STAB2: variants seen among roughly 807,000 people sequenced by gnomAD.
STAB2 encodes the protein stabilin 2, also known as stabilin-2.
STAB2 carries 288 observed loss-of-function variants against 338.1 expected under a neutral mutation model. The ratio of observed to expected loss-of-function variants is 0.85; its 90% confidence interval spans 0.77 to 0.94. The LOEUF (loss-of-function observed/expected upper bound fraction) is 0.94, where lower values mean the gene tolerates loss of function less well. Ranked by LOEUF, STAB2 falls within the 40% of genes least tolerant of loss-of-function variation. STAB2 has a pLI of 0.00. For synonymous variants in STAB2, 1,202 were observed against 1,193.3 expected (o/e 1.01, Z -0.15); for missense variants, 3,141 against 3,210.1 (o/e 0.98, Z 0.52).
At chr12:103,707,054 A>C in intron 38 of STAB2, 67 bp downstream of exon 38, 1 of 1,562,136 alleles carries the variant, frequency 6.4e-7, no homozygotes, top group Non-Finnish European at 8.7e-7. Context: ...GCAGGGAAAG[A>C]GTGATCCCAC....
chr12:103,716,438 C>T (rs763701200), intron 43 of STAB2, among the ~76,000 whole-genome samples: 4 of 152,146 alleles, frequency 2.6e-5, no homozygotes, highest in Non-Finnish European at 4.4e-5. Flanking sequence ...GACCCAAGTT[C>T]GGCCTTCCTC....
At chr12:103,731,973 A>C (rs552843894) in intron 50 of STAB2, among the ~76,000 whole-genome samples, 1 of 152,292 alleles carries the variant, frequency 6.6e-6, no homozygotes, top group South Asian at 2.1e-4. Context: ...TTTGCATGGG[A>C]GAGTTGGGAA....
intron 25 of STAB2, among the ~76,000 whole-genome samples, chr12:103,682,210 A>T (rs1483751273): frequency 6.6e-6 from 1 of 152,170 alleles, no homozygotes; most frequent in Non-Finnish European, 1.5e-5. Context: ...TATAAGAAAC[A>T]GAATGGATCA....
At chr12:103,659,122 A>G (rs886543196) in intron 15 of STAB2, among the ~76,000 whole-genome samples, 6 of 152,170 alleles carry the variant, frequency 3.9e-5, no homozygotes, top group African/African-American at 1.4e-4. Flanking sequence ...CTGGTGGTCA[A>G]TTTCAACATT....
At chr12:103,653,949 C>A (rs1382113936) in intron 12 of STAB2, among the ~76,000 whole-genome samples, 1 of 90,144 alleles carries the variant, frequency 1.1e-5, no homozygotes, top group Non-Finnish European at 2.3e-5. Flanking sequence ...ATGGAGGATG[C>A]ATGGATAGGT....
At chr12:103,669,704 A>C in intron 21 of STAB2, 77 bp downstream of exon 21, 1 of 1,308,280 alleles carries the variant, frequency 7.6e-7, no homozygotes, top group Non-Finnish European at 1.1e-6. Flanking sequence ...AATGTGATAT[A>C]ATGCCAGCTA....
At position 103,730,101 on chromosome 12, in the gene STAB2, T is replaced by G; in HGVS notation, c.5083-15T>G. Reference sequence around the variant, plus strand: ...ACTTTGCACTCATTTCTTTTTTGTTTTTGGTTGATTTCAGAGCACGGTGTA... The same window carrying G: ...ACTTTGCACTCATTTCTTTTTTGTTGTTGGTTGATTTCAGAGCACGGTGTA... On this transcript the variant is annotated splice_polypyrimidine_tract_variant and intron_variant, in intron 48 of 68. Coordinates refer to ENST00000388887, the MANE Select transcript of STAB2 (RefSeq NM_017564.10). 5.8e-6 allele frequency: 9 copies of G among 1,561,746 alleles called. No individual in the cohort carries two copies. The highest frequency in any genetic ancestry group is 6.1e-6 in the Non-Finnish European group (7 of 1,156,662).
chr12:103,702,459 C>A (rs544684914), intron 34 of STAB2, among the ~76,000 whole-genome samples: 1,532 of 152,124 alleles, frequency 0.01, 11 homozygotes, highest in Middle Eastern at 0.058. Context: ...CCACCGCGCC[C>A]GGCTAATTTT....
Position 103,631,694 on chromosome 12 carries a change from G to T in STAB2, c.583+1G>T, listed in dbSNP as rs201447894. On this transcript the variant is annotated splice_donor_variant, in intron 6 of 68. Transcript: ENST00000388887. LOFTEE classifies it high-confidence loss of function. ...TACACTGGCCCCAAGTGTGACAAGC[G>T]TAAGTACTGCTAGTTCCCTTAATGC... 1 of 1,613,988 alleles carries T rather than the reference G, an allele frequency of 6.2e-7. No individual in the cohort carries two copies.
intron 27 of STAB2, among the ~76,000 whole-genome samples, chr12:103,685,439 TGTGTGTGTGTGTGTGCGCGTGC>T (rs1566014139): frequency 6.7e-6 from 1 of 148,998 alleles, no homozygotes; most frequent in Non-Finnish European, 1.5e-5. Context: ...TGTGTGTGTG[TGTGTGTGTGTGTGTGCGCGTGC>T]GTGTGTGTGT....
intron 3 of STAB2, among the ~76,000 whole-genome samples, chr12:103,612,687 G>A (rs552769180): frequency 8.9e-4 from 135 of 152,242 alleles, no homozygotes; most frequent in Middle Eastern, 3.4e-3. Flanking sequence ...CTCTCAACTC[G>A]TCAAAGTCAT....
intron 67 of STAB2, 44 bp from the exon 68 acceptor site, chr12:103,763,448 G>A: frequency 6.3e-7 from 1 of 1,590,576 alleles, no homozygotes; most frequent in South Asian, 1.1e-5. Flanking sequence ...AGACGCTCCT[G>A]CTTTGGGGAT....
At chr12:103,652,451 A>G in intron 11 of STAB2, 105 bp from the exon 12 acceptor site, 1 of 1,089,122 alleles carries the variant, frequency 9.2e-7, no homozygotes, top group Non-Finnish European at 1.3e-6. Flanking sequence ...AACCCAAGTT[A>G]GGGTGCCCTG....
intron 1 of STAB2, 65 bp from the exon 2 acceptor site, chr12:103,590,832 A>G: frequency 6.3e-7 from 1 of 1,595,072 alleles, no homozygotes. Flanking sequence ...AAGATTGGCC[A>G]TGCTAGATGT....
intron 5 of STAB2, among the ~76,000 whole-genome samples, 153 bp downstream of exon 5, chr12:103,622,264 C>A (rs976295928): frequency 2.0e-5 from 3 of 152,232 alleles, no homozygotes; most frequent in Admixed American, 6.5e-5. Flanking sequence ...GGGCAATGAA[C>A]AATTCATGAA....
chr12:103,667,728 C>T (rs1875291035), intron 19 of STAB2, among the ~76,000 whole-genome samples: 1 of 152,148 alleles, frequency 6.6e-6, no homozygotes, highest in African/African-American at 2.4e-5. Flanking sequence ...GATTTTATAG[C>T]CTAGGAAAGT....
chr12:103,607,273 C>T (rs1174022173), intron 3 of STAB2, among the ~76,000 whole-genome samples: 1 of 151,964 alleles, frequency 6.6e-6, no homozygotes, highest in African/African-American at 2.4e-5. Flanking sequence ...TCAGAGACTC[C>T]AGTTATACAT....
At chr12:103,662,497 C>T (rs566209412) in intron 17 of STAB2, among the ~76,000 whole-genome samples, 1 of 152,302 alleles carries the variant, frequency 6.6e-6, no homozygotes, top group East Asian at 1.9e-4. Context: ...TAAATGTATT[C>T]AAATGAATGG....
chr12:103,654,306 T>C (rs892116133), intron 12 of STAB2, among the ~76,000 whole-genome samples: 3 of 152,248 alleles, frequency 2.0e-5, no homozygotes, highest in Admixed American at 6.5e-5. Context: ...AGCTTGATAA[T>C]ACCTTGCCCA....
Sources: allele counts gnomAD v4.1 joint callset (sites outside exome capture counted in the v4.1 genomes callset), GRCh38; gene constraint gnomAD v4.1.1; transcripts MANE v1.5; gene names NCBI Gene and HGNC (gene_info 2026-07-23, HGNC 2026-07-21).